Variants in CACNA1F observed in about 807,000 individuals in gnomAD.
CACNA1F encodes calcium voltage-gated channel subunit alpha1 F.
CACNA1F carries 59 observed loss-of-function variants against 143.8 expected under a neutral mutation model. The ratio of observed to expected loss-of-function variants is 0.41; its 90% confidence interval spans 0.33 to 0.51. The LOEUF (loss-of-function observed/expected upper bound fraction) is 0.51, where lower values mean the gene tolerates loss of function less well. Ranked by LOEUF, CACNA1F falls within the 20% of genes least tolerant of loss-of-function variation. The pLI is 0.22. For missense variants in CACNA1F, 1,411 were observed against 1,647.5 expected (o/e 0.86, Z 2.48); for synonymous variants, 643 against 649.1 (o/e 0.99, Z 0.14).
At chrX:49,214,859 A>C (rs1289504253) in intron 29 of CACNA1F, among the ~76,000 whole-genome samples, 2 of 106,111 alleles carry the variant, frequency 1.9e-5, no homozygotes, top group African/African-American at 6.7e-5. Context: ...GCCACTGGCT[A>C]CTTTTTTTTT....
chrX:49,229,173 A>G (rs1207441006), intron 6 of CACNA1F, among the ~76,000 whole-genome samples: 1 of 110,902 alleles, frequency 9.0e-6, no homozygotes, highest in African/African-American at 3.3e-5. Flanking sequence ...TTTGAGACCG[A>G]GTCTCACTCT....
At chrX:49,217,591 G>A (rs2065730042) in intron 26 of CACNA1F, among the ~76,000 whole-genome samples, 164 bp downstream of exon 26, 1 of 110,377 alleles carries the variant, frequency 9.1e-6, no homozygotes, top group Non-Finnish European at 1.9e-5. Context: ...AGGGATTTGG[G>A]GGAGGTATCG....
At chrX:49,214,362 G>A in intron 29 of CACNA1F, 93 bp from the exon 30 acceptor site, 1 of 560,802 alleles carries the variant, frequency 1.8e-6, no homozygotes, top group Non-Finnish European at 3.2e-6. Flanking sequence ...GACGAGTCTG[G>A]GGACTTGATT....
At chrX:49,218,825 A>C in intron 22 of CACNA1F, 57 bp downstream of exon 22, 2 of 1,105,179 alleles carry the variant, frequency 1.8e-6, no homozygotes, top group Non-Finnish European at 2.5e-6. Context: ...GGGCTGCAAG[A>C]ACCGGTGGGG....
Position 49,209,695 on chromosome X carries a change from G to A in CACNA1F, c.4755C>T (p.Phe1585=). 8.3e-7 allele frequency: 1 copy of A among 1,211,002 alleles called. No individual in the cohort carries two copies. The highest frequency in any genetic ancestry group is 1.1e-6 in the Non-Finnish European group (1 of 894,922). Residue 1585 remains phenylalanine, a synonymous_variant, in exon 41 of 48, where the codon TTC becomes TTT. Transcript: ENST00000323022. The part of the protein sequence containing the change: ...TFLIQDYFRK[F]RRRKEKGLLG... ...GTAGCCCTTTTTCTTTCCTCCGCCG[G>A]AATTTGCGGAAATAGTCCTGGATCA... is the stretch of plus-strand genomic sequence containing the variant.
At chrX:49,217,190 C>T (rs1294733208) in intron 26 of CACNA1F, among the ~76,000 whole-genome samples, 1 of 112,681 alleles carries the variant, frequency 8.9e-6, no homozygotes, top group Non-Finnish European at 1.9e-5. Flanking sequence ...AACTCCCAAC[C>T]TCAGGTGATC....
intron 17 of CACNA1F, 58 bp downstream of exon 17, chrX:49,222,464 G>T (rs914447980): frequency 1.0e-6 from 1 of 1,001,330 alleles, no homozygotes; most frequent in African/African-American, 1.9e-5. Flanking sequence ...GGTGTCTGAG[G>T]GGTTCCCAGT....
intron 43 of CACNA1F, 104 bp downstream of exon 43, chrX:49,208,411 G>GA: frequency 2.4e-4 from 101 of 414,365 alleles, no homozygotes; most frequent in South Asian, 4.4e-4. Context: ...AGGCCTCTAG[G>GA]CCCTCCCTCC....
At chrX:49,215,293 G>A (rs2147902644) in intron 28 of CACNA1F, 49 bp from the exon 29 acceptor site, 3 of 1,207,514 alleles carry the variant, frequency 2.5e-6, no homozygotes, top group Non-Finnish European at 3.4e-6. Context: ...CTGAGGCAAG[G>A]AGGGAAGGGT....
Position 49,212,805 on chromosome X carries a change from G to C in CACNA1F, c.3814-10C>G. On this transcript the variant is annotated splice_polypyrimidine_tract_variant and intron_variant, in intron 32 of 47. Transcript: ENST00000323022. Reference sequence around the variant, plus strand: ...AGCTGTCCTCAGAGCTCTGGGGTGAGGGGTGCAGTAGGGATGCTCAGTTTG... The same window carrying C: ...AGCTGTCCTCAGAGCTCTGGGGTGACGGGTGCAGTAGGGATGCTCAGTTTG... 1 of 1,209,810 alleles carries C rather than the reference G, an allele frequency of 8.3e-7. No homozygotes were observed. The highest frequency in any genetic ancestry group is 1.8e-5 in the South Asian group (1 of 56,494).
At chrX:49,211,781 G>A in intron 35 of CACNA1F, 117 bp downstream of exon 35, 3 of 601,757 alleles carry the variant, frequency 5.0e-6, no homozygotes, top group Admixed American at 2.4e-5. Flanking sequence ...GAAACATCTC[G>A]GGCTGTATGG....
intron 10 of CACNA1F, 23 bp from the exon 11 acceptor site, chrX:49,226,525 G>T (rs782740708): frequency 1.7e-6 from 2 of 1,167,093 alleles, no homozygotes; most frequent in South Asian, 1.9e-5. Flanking sequence ...TGGGGATAGT[G>T]GTCAGGACCT....
intron 1 of CACNA1F, 72 bp downstream of exon 1, chrX:49,233,213 G>T: frequency 9.0e-7 from 1 of 1,109,914 alleles, no homozygotes. Flanking sequence ...GTGGGGTCTG[G>T]GTGGGCAATG....
At chrX:49,210,172 G>A (rs2065642076) in intron 39 of CACNA1F, 129 bp downstream of exon 39, 2 of 673,413 alleles carry the variant, frequency 3.0e-6, no homozygotes, top group Non-Finnish European at 4.9e-6. Flanking sequence ...GACGGGGTGG[G>A]GGGAAACAGG....
intron 26 of CACNA1F, 152 bp downstream of exon 26, chrX:49,217,603 G>A: frequency 1.9e-6 from 1 of 539,695 alleles, no homozygotes; most frequent in Non-Finnish European, 3.3e-6. Context: ...GAGGTATCGG[G>A]GGGCCGCCGA....
Position 49,206,755 on chromosome X carries a change from G to A in CACNA1F, c.5332C>T (p.Arg1778Cys), listed in dbSNP as rs781892709. Reference sequence around the variant, plus strand: ...GCAGGTGTGGGGGGCAGCAGACGGCGGCGTGGTACCAGGTGCCCATCCATG... The same window carrying A: ...GCAGGTGTGGGGGGCAGCAGACGGCAGCGTGGTACCAGGTGCCCATCCATG... ...RYMDGHLVPR[R>C]RLLPPTPAGR... The change falls in exon 45 of 48, where the codon CGC becomes TGC. Residue 1778 changes from arginine to cysteine, a missense_variant. This residue lies in a region of CACNA1F where 349 missense variants were observed against 350.2 expected (regional missense o/e 1.00). Transcript: ENST00000323022. The A allele has an allele frequency of 1.1e-5, 13 of 1,206,107 alleles. No individual in the cohort carries two copies. The highest frequency in any genetic ancestry group is 5.4e-5 in the South Asian group (3 of 55,915).
At chrX:49,214,052 T>C (rs1474037778) in intron 30 of CACNA1F, 107 bp downstream of exon 30, 14 of 650,769 alleles carry the variant, frequency 2.2e-5, no homozygotes, top group Non-Finnish European at 3.6e-5. Context: ...CTCCCTAGAC[T>C]CACACTCCCT....
chrX:49,233,039 G>T (rs1557111646), intron 1 of CACNA1F, among the ~76,000 whole-genome samples: 1 of 110,084 alleles, frequency 9.1e-6, no homozygotes, highest in Non-Finnish European at 1.9e-5. Flanking sequence ...ATTGAGGTTG[G>T]GTTTCCTTTG....
Position 49,221,514 on chromosome X carries a change from GC to G in CACNA1F, c.2289-435del, listed in dbSNP as rs2065774825. On this transcript the variant is annotated intron_variant, in intron 17 of 47. Coordinates refer to ENST00000323022, the MANE Select transcript of CACNA1F (RefSeq NM_001256789.3). ...ACCTCCGCCTCCTGGGTTCAAGCGA[GC>G]TTGTCCAGCTAATTTTCTTTTGTAT... Among the ~76,000 whole-genome samples, 5 of 109,853 alleles carry G rather than the reference GC, an allele frequency of 4.6e-5. No homozygotes were observed. In the South Asian group the frequency reaches 2.0e-3, roughly 44 times the overall value.
Sources: allele counts gnomAD v4.1 joint callset (sites outside exome capture counted in the v4.1 genomes callset), GRCh38; gene constraint gnomAD v4.1.1; regional missense constraint gnomAD v4.1.1; transcripts MANE v1.5; gene names NCBI Gene and HGNC (gene_info 2026-07-23, HGNC 2026-07-21).